Variants in DGKI observed in about 807,000 individuals in gnomAD.
The protein encoded by DGKI is DAG kinase iota.
In DGKI, 55 loss-of-function variants were observed where a neutral mutation model predicts 147.5. The observed-to-expected ratio is 0.37, with a 90% confidence interval of 0.30 to 0.47. The LOEUF (loss-of-function observed/expected upper bound fraction) is 0.47, where lower values mean the gene tolerates loss of function less well. Among genes scored for constraint, DGKI ranks in the 20% least tolerant of loss-of-function variants. DGKI has a pLI of 1.00. For synonymous variants in DGKI, 469 were observed against 477.1 expected (o/e 0.98, Z 0.22); for missense variants, 1,007 against 1,323.8 (o/e 0.76, Z 3.71).
At chr7:137,679,522 G>A (rs774080952) in intron 2 of DGKI, among the ~76,000 whole-genome samples, 7 of 151,932 alleles carry the variant, frequency 4.6e-5, no homozygotes, top group African/African-American at 1.7e-4. Flanking sequence ...TGCTTAAAAG[G>A]AGCTCTGAGC....
At chr7:137,422,541 C>CA (rs1380149679) in intron 28 of DGKI, among the ~76,000 whole-genome samples, 15 of 138,714 alleles carry the variant, frequency 1.1e-4, no homozygotes, top group South Asian at 4.7e-4. Flanking sequence ...ATTAAGCTTT[C>CA]AAAAAAAACC....
intron 28 of DGKI, among the ~76,000 whole-genome samples, chr7:137,421,657 T>G (rs1812575923): frequency 6.6e-6 from 1 of 152,216 alleles, no homozygotes; most frequent in Non-Finnish European, 1.5e-5. Context: ...TCCCATTTGC[T>G]TATCTGTTGT....
chr7:137,556,963 A>G (rs1380592729), intron 19 of DGKI, among the ~76,000 whole-genome samples: 2 of 152,086 alleles, frequency 1.3e-5, no homozygotes, highest in Non-Finnish European at 2.9e-5. Flanking sequence ...GGCCTCATCC[A>G]ACTTGCTGAA....
At chr7:137,820,415 G>A (rs1001593144) in intron 1 of DGKI, among the ~76,000 whole-genome samples, 2 of 152,156 alleles carry the variant, frequency 1.3e-5, no homozygotes, top group African/African-American at 4.8e-5. Context: ...CACAGCTCTG[G>A]CAGAGACCCT....
chr7:137,580,638 G>A (rs1232732053), intron 15 of DGKI, among the ~76,000 whole-genome samples: 2 of 152,066 alleles, frequency 1.3e-5, no homozygotes, highest in East Asian at 3.9e-4. Context: ...TGCTAACATT[G>A]CTGGATCCAG....
At chr7:137,544,020 A>C (rs1258304814) in intron 20 of DGKI, among the ~76,000 whole-genome samples, 1 of 152,210 alleles carries the variant, frequency 6.6e-6, no homozygotes, top group East Asian at 1.9e-4. Context: ...TATATATCAT[A>C]TGTAGATATA....
intron 27 of DGKI, among the ~76,000 whole-genome samples, chr7:137,459,145 A>G (rs1814319723): frequency 6.6e-6 from 1 of 152,208 alleles, no homozygotes; most frequent in African/African-American, 2.4e-5. Flanking sequence ...AATGCAACCA[A>G]TTCCAGTAAT....
intron 1 of DGKI, among the ~76,000 whole-genome samples, chr7:137,814,832 G>A (rs748370297): frequency 5.9e-5 from 9 of 152,106 alleles, no homozygotes; most frequent in East Asian, 1.9e-4. Flanking sequence ...TGTATATCAC[G>A]TATATTTTAA....
At chr7:137,689,051 T>C (rs1776671346) in intron 2 of DGKI, among the ~76,000 whole-genome samples, 1 of 152,190 alleles carries the variant, frequency 6.6e-6, no homozygotes, top group Non-Finnish European at 1.5e-5. Context: ...GGATATCAAA[T>C]CATGGCATGG....
chr7:137,683,329 C>T (rs979317807), intron 2 of DGKI, among the ~76,000 whole-genome samples: 2 of 150,920 alleles, frequency 1.3e-5, no homozygotes, highest in African/African-American at 4.9e-5. Context: ...ACTCTTTTAT[C>T]CTTGTCACTC....
chr7:137,640,764 G>A (rs529333300), intron 6 of DGKI, among the ~76,000 whole-genome samples: 29 of 152,138 alleles, frequency 1.9e-4, no homozygotes, highest in Non-Finnish European at 3.7e-4. Flanking sequence ...GCATTTTTGT[G>A]TATAATTTAC....
rs962434821 is a variant in DGKI, at chr7:137,565,839, A to G, written c.1947+5336T>C. Among the ~76,000 whole-genome samples, 5 of 152,212 alleles carry G rather than the reference A, an allele frequency of 3.3e-5. No homozygotes were observed. In the East Asian group the frequency reaches 7.7e-4, roughly 23 times the overall value. Reference sequence around the variant, plus strand: ...AGGTAATCAGATTACCCAGCACCCAATGAAGAATCATCTTAATTAGCAGGA... The same window carrying G: ...AGGTAATCAGATTACCCAGCACCCAGTGAAGAATCATCTTAATTAGCAGGA... On this transcript the variant is annotated intron_variant, in intron 19 of 32. Transcript: ENST00000614521.
intron 21 of DGKI, among the ~76,000 whole-genome samples, chr7:137,508,516 A>T (rs944946330): frequency 6.6e-6 from 1 of 151,822 alleles, no homozygotes; most frequent in Non-Finnish European, 1.5e-5. Flanking sequence ...TTGAGCCACC[A>T]TGCCCGGCCG....
At chr7:137,532,034 G>GAAAA (rs11371269) in intron 20 of DGKI, among the ~76,000 whole-genome samples, 23 of 151,334 alleles carry the variant, frequency 1.5e-4, no homozygotes, top group Admixed American at 5.9e-4. Context: ...CAAACCAATA[G>GAAAA]AAAAAAAAAT....
chr7:137,626,746 G>A (rs1820957744), intron 6 of DGKI, among the ~76,000 whole-genome samples: 1 of 152,130 alleles, frequency 6.6e-6, no homozygotes, highest in East Asian at 1.9e-4. Flanking sequence ...CCGGTATCAC[G>A]CTCTGCTGAG....
At chr7:137,412,722 T>A (rs534911179) in intron 28 of DGKI, among the ~76,000 whole-genome samples, 1 of 152,290 alleles carries the variant, frequency 6.6e-6, no homozygotes, top group East Asian at 1.9e-4. Flanking sequence ...TCTTTTTGTG[T>A]GTTTTGTGAT....
At chr7:137,598,203 T>C (rs1819864728) in intron 11 of DGKI, among the ~76,000 whole-genome samples, 1 of 152,160 alleles carries the variant, frequency 6.6e-6, no homozygotes, top group Non-Finnish European at 1.5e-5. Context: ...GTCAACATTA[T>C]TTTCCTCGTT....
chr7:137,463,186 G>A (rs769249042), intron 27 of DGKI, among the ~76,000 whole-genome samples: 37 of 152,226 alleles, frequency 2.4e-4, no homozygotes, highest in Non-Finnish European at 2.2e-4. Flanking sequence ...AAACAGGGAC[G>A]TGTGATAAAC....
rs115176099 is a variant in DGKI at position 137,764,472 on chromosome 7, A to G, written c.402-74470T>C. On this transcript the variant is annotated intron_variant, in intron 1 of 32. Coordinates refer to ENST00000614521, the MANE Select transcript of DGKI (RefSeq NM_001321708.2). ...ATAGCATCCCTTGTAGCAGTACTCA[A>G]TAAGGATCTGAAAGTTCATTTCGTT... Among the ~76,000 whole-genome samples the G allele has an allele frequency of 5.6e-3, 851 of 152,314 alleles. 11 individuals are homozygous for G. Among genetic ancestry groups the G allele is most frequent in the African/African-American group, 0.019 (802 of 41,554 alleles).
Sources: allele counts gnomAD v4.1 joint callset (sites outside exome capture counted in the v4.1 genomes callset), GRCh38; gene constraint gnomAD v4.1.1; transcripts MANE v1.5; gene names NCBI Gene and HGNC (gene_info 2026-07-23, HGNC 2026-07-21).